The following RPS6KA5 variants were observed in gnomAD, a reference collection of about 807,000 sequenced individuals.
RPS6KA5 encodes the protein ribosomal protein S6 kinase alpha-5.
RPS6KA5 carries 27 observed loss-of-function variants against 85.5 expected under a neutral mutation model. The ratio of observed to expected loss-of-function variants is 0.32; its 90% CI spans 0.23 to 0.44. The LOEUF is 0.44. Among genes scored for constraint, RPS6KA5 ranks in the 20% least tolerant of loss-of-function variants. The pLI is 1.00. For missense variants in RPS6KA5, 811 were observed against 980.9 expected, an observed-to-expected ratio of 0.83 and a Z score of 2.31; for synonymous variants, 334 against 348.2, an observed-to-expected ratio of 0.96 and a Z score of 0.46.
At chr14:90,909,974 C>T (rs2035711993) in intron 7 of RPS6KA5, among the ~76,000 whole-genome samples, 1 of 152,036 alleles carries the variant, frequency 6.6e-6, no homozygotes, top group South Asian at 2.1e-4. Flanking sequence ...TGGGGTTTCG[C>T]CATATTGGCC....
chr14:91,047,803 C>T (rs1395495798), intron 1 of RPS6KA5, among the ~76,000 whole-genome samples: 1 of 152,214 alleles, frequency 6.6e-6, no homozygotes, highest in Non-Finnish European at 1.5e-5. Context: ...AGGTGAAAAT[C>T]TGTTCCCCTG....
intron 7 of RPS6KA5, among the ~76,000 whole-genome samples, chr14:90,910,418 G>A (rs1340900416): frequency 6.6e-6 from 1 of 152,088 alleles, no homozygotes; most frequent in East Asian, 1.9e-4. Flanking sequence ...CAGATACATA[G>A]GCAGACAGGA....
intron 5 of RPS6KA5, among the ~76,000 whole-genome samples, chr14:90,942,205 C>A (rs1011327117): frequency 1.3e-5 from 2 of 152,272 alleles, no homozygotes; most frequent in Middle Eastern, 3.4e-3. Flanking sequence ...TTATCTCACT[C>A]ACCTAGGACT....
chr14:90,949,272 G>GA (rs544873066), intron 3 of RPS6KA5, among the ~76,000 whole-genome samples: 60 of 152,272 alleles, frequency 3.9e-4, no homozygotes, highest in Middle Eastern at 3.4e-3. Context: ...CTCCTACATA[G>GA]CCTTGAATGT....
chr14:91,048,638 A>G (rs1245521937), intron 1 of RPS6KA5, among the ~76,000 whole-genome samples: 3 of 152,172 alleles, frequency 2.0e-5, no homozygotes, highest in Non-Finnish European at 4.4e-5. Flanking sequence ...AAACAAACAT[A>G]ATGAGGCCAA....
chr14:91,018,378 A>G (rs1490218166), intron 1 of RPS6KA5, among the ~76,000 whole-genome samples: 2 of 152,192 alleles, frequency 1.3e-5, no homozygotes, highest in African/African-American at 2.4e-5. Flanking sequence ...AGCCAGCAAC[A>G]TATTATTTCT....
intron 2 of RPS6KA5, among the ~76,000 whole-genome samples, chr14:90,997,972 C>T (rs1301170862): frequency 7.4e-6 from 1 of 135,242 alleles, no homozygotes; most frequent in East Asian, 2.3e-4. Context: ...TGCGCCACTG[C>T]ACTCCAACCT....
chr14:90,889,137 T>C (rs1350954252), intron 14 of RPS6KA5, among the ~76,000 whole-genome samples: 1 of 151,848 alleles, frequency 6.6e-6, no homozygotes, highest in African/African-American at 2.4e-5. Flanking sequence ...CTACTAAAAA[T>C]ACAAAAATTA....
intron 14 of RPS6KA5, among the ~76,000 whole-genome samples, chr14:90,887,307 A>G (rs1288360824): frequency 6.6e-6 from 1 of 152,150 alleles, no homozygotes; most frequent in Non-Finnish European, 1.5e-5. Flanking sequence ...CAGCCTCCCA[A>G]GTAGCTGGGA....
chr14:90,921,701 C>T (rs1236588235), intron 6 of RPS6KA5, among the ~76,000 whole-genome samples: 1 of 152,160 alleles, frequency 6.6e-6, no homozygotes, highest in Non-Finnish European at 1.5e-5. Flanking sequence ...GCCCTGGGTT[C>T]CAAAACCAGT....
chr14:90,935,250 A>G (rs2037196291), intron 5 of RPS6KA5, among the ~76,000 whole-genome samples: 1 of 152,222 alleles, frequency 6.6e-6, no homozygotes, highest in Non-Finnish European at 1.5e-5. Flanking sequence ...AAGTGGCACT[A>G]TTAGCTAGGC....
chr14:90,912,904 CTTTTTTTTT>C (rs57029403), intron 7 of RPS6KA5, among the ~76,000 whole-genome samples: 5 of 53,286 alleles, frequency 9.4e-5, no homozygotes, highest in African/African-American at 2.4e-4. Context: ...CATAAAGCAT[CTTTTTTTTT>C]TTTTTTTTTT....
In RPS6KA5 at chr14:90,889,521, GA is replaced by G. The variant is rs549674744; in HGVS notation, c.1836+965del. On this transcript the variant is annotated intron_variant, in intron 14 of 16. Transcript: ENST00000614987. The stretch of plus-strand genomic sequence containing the variant: ...GGAAATCCAGGCACACATGTTAAAG[GA>G]AAGTTGTGCATACCCTTCTTCTGGG... Among the ~76,000 whole-genome samples, 8 of 152,094 alleles carry G rather than the reference GA, an allele frequency of 5.3e-5. No individual in the cohort carries two copies. The South Asian group carries it at 1.7e-3, about 32-fold the overall frequency.
Position 90,854,703 on chromosome 14 carries a change from T to G in RPS6KA5, c.*17371A>C, listed in dbSNP as rs532287346. 6.6e-6 allele frequency: 1 copy of G among 152,162 alleles called. No individual in the cohort carries two copies. The highest frequency in any genetic ancestry group is 1.5e-5 in the Non-Finnish European group (1 of 68,026). The allele number at this position is 152,162 out of a possible 1,614,324, so 9.4% of individuals were successfully genotyped here. A position where few individuals can be genotyped will look rare whatever the true frequency, so the allele number is the denominator to read the frequency against. ...ATATACTATACTTACTACAAATACA[T>G]TATCTTCTAAGCCCATTCTTATTTT... On this transcript the variant is annotated 3_prime_UTR_variant, in exon 17 of 17. Coordinates refer to ENST00000614987, the MANE Select transcript of RPS6KA5 (RefSeq NM_004755.4).
intron 1 of RPS6KA5, among the ~76,000 whole-genome samples, chr14:91,005,791 C>A (rs2040991647): frequency 6.6e-6 from 1 of 152,008 alleles, no homozygotes; most frequent in African/African-American, 2.4e-5. Flanking sequence ...ATAATATTAA[C>A]AGTATTAGAA....
At chr14:91,031,915 A>G (rs952788888) in intron 1 of RPS6KA5, among the ~76,000 whole-genome samples, 2 of 152,174 alleles carry the variant, frequency 1.3e-5, no homozygotes, top group African/African-American at 4.8e-5. Flanking sequence ...ATTAGAAAAG[A>G]GTAGAAACTG....
At chr14:91,036,487 A>T (rs1373959441) in intron 1 of RPS6KA5, among the ~76,000 whole-genome samples, 1 of 152,218 alleles carries the variant, frequency 6.6e-6, no homozygotes, top group Admixed American at 6.5e-5. Context: ...GCAGGTAGAC[A>T]AACAGATCCA....
intron 3 of RPS6KA5, among the ~76,000 whole-genome samples, chr14:90,948,584 A>G (rs1345710754): frequency 6.6e-6 from 1 of 152,102 alleles, no homozygotes; most frequent in Non-Finnish European, 1.5e-5. Context: ...AGTCCCAGCT[A>G]CTTGAGAGGC....
chr14:90,937,017 A>G (rs1357357863), intron 5 of RPS6KA5, among the ~76,000 whole-genome samples: 3 of 152,058 alleles, frequency 2.0e-5, no homozygotes, highest in African/African-American at 7.2e-5. Context: ...GGGAATGAGC[A>G]GCATGTAAGA....
Sources: allele counts gnomAD v4.1 joint callset (sites outside exome capture counted in the v4.1 genomes callset), GRCh38; gene constraint gnomAD v4.1.1; transcripts MANE v1.5; gene names NCBI Gene and HGNC (gene_info 2026-07-23, HGNC 2026-07-21).